The following RALYL variants were observed in gnomAD, a reference collection of about 807,000 sequenced individuals.
RALYL encodes RNA-binding Raly-like protein.
RALYL carries 29 observed loss-of-function variants against 35.1 expected under a neutral mutation model. That is an observed-to-expected ratio of 0.83 (90% CI 0.61 to 1.13). RALYL has a LOEUF of 1.13. Among genes scored for constraint, RALYL ranks in the 50% most tolerant of loss-of-function variants. The pLI, the probability that RALYL is intolerant of heterozygous loss-of-function variation, is 0.00. For synonymous variants in RALYL, 120 were observed against 127.6 expected (o/e 0.94, Z 0.40); for missense variants, 359 against 360.4 (o/e 1.00, Z 0.03).
intron 2 of RALYL, among the ~76,000 whole-genome samples, chr8:84,537,577 C>A (rs1016016682): frequency 4.6e-5 from 7 of 151,476 alleles, no homozygotes; most frequent in Non-Finnish European, 8.8e-5. Context: ...GTATTCAGTA[C>A]AAATCACTTT....
rs907145987 is a variant in RALYL at position 84,730,911 on chromosome 8, T to C, written c.257-43668T>C. On this transcript the variant is annotated intron_variant, in intron 2 of 8. Coordinates refer to ENST00000521268, the MANE Select transcript of RALYL (RefSeq NM_173848.7). Reference sequence around the variant, plus strand: ...AAATAAAAGAGATAATGAAAAAATATGCTGTGATGGAATTTAGGTTAGTGA... The same window carrying C: ...AAATAAAAGAGATAATGAAAAAATACGCTGTGATGGAATTTAGGTTAGTGA... 2.6e-5 allele frequency among the ~76,000 whole-genome samples: 4 copies of C among 151,766 alleles called. No homozygotes were observed. The South Asian group carries it at 8.3e-4, about 32-fold the overall frequency.
chr8:84,532,907 G>A (rs971730670), intron 2 of RALYL, among the ~76,000 whole-genome samples: 8 of 151,814 alleles, frequency 5.3e-5, no homozygotes, highest in African/African-American at 9.7e-5. Flanking sequence ...CACGTCTTTC[G>A]CACCATGATA....
intron 2 of RALYL, among the ~76,000 whole-genome samples, chr8:84,737,416 C>T (rs1847514896): frequency 6.6e-6 from 1 of 151,798 alleles, no homozygotes; most frequent in African/African-American, 2.4e-5. Flanking sequence ...TTTAGATTAC[C>T]TCTTTTCTTT....
chr8:84,674,308 T>C (rs1833797136), intron 2 of RALYL, among the ~76,000 whole-genome samples: 1 of 152,226 alleles, frequency 6.6e-6, no homozygotes, highest in Admixed American at 6.5e-5. Flanking sequence ...TATAGGACCA[T>C]GTCTTCTGCA....
chr8:84,742,383 G>A (rs1283866007), intron 2 of RALYL, among the ~76,000 whole-genome samples: 2 of 151,872 alleles, frequency 1.3e-5, no homozygotes, highest in Admixed American at 1.3e-4. Context: ...AATTGCAAGT[G>A]TTACAAATAA....
Position 84,479,874 on chromosome 8 carries a change from T to A in RALYL, c.-23-49425T>A, listed in dbSNP as rs1328332737. ...TACAGAATTTAGAAACATTAATGAC[T>A]TCAGATCACCAGGGTATCATGTAAT... On this transcript the variant is annotated intron_variant, in intron 1 of 8. Transcript: ENST00000521268. Among the ~76,000 whole-genome samples, 3 of 152,298 alleles carry A rather than the reference T, an allele frequency of 2.0e-5. 1 individual carries two copies. The highest frequency in any genetic ancestry group is 2.4e-5 in the African/African-American group (1 of 41,578).
At chr8:84,890,712 A>G (rs1455374883) in intron 8 of RALYL, among the ~76,000 whole-genome samples, 1 of 152,166 alleles carries the variant, frequency 6.6e-6, no homozygotes, top group Non-Finnish European at 1.5e-5. Flanking sequence ...CACGTTATCA[A>G]TCTGCCTTTT....
chr8:84,335,414 A>T (rs1847588700), intron 1 of RALYL, among the ~76,000 whole-genome samples: 1 of 152,140 alleles, frequency 6.6e-6, no homozygotes. Context: ...TTGAAAGCAC[A>T]GTTGCCTTCT....
intron 1 of RALYL, among the ~76,000 whole-genome samples, chr8:84,397,443 A>G (rs936277679): frequency 6.6e-6 from 1 of 152,178 alleles, no homozygotes; most frequent in African/African-American, 2.4e-5. Flanking sequence ...TTTTTTCCCC[A>G]GAAAAATCCC....
Position 84,624,701 on chromosome 8 carries a change from C to T in RALYL, c.256+95124C>T, listed in dbSNP as rs369126749. The stretch of plus-strand genomic sequence containing the variant: ...CAGTCTACAAGGATTAGGACATGGA[C>T]GTCTTTGGGGAACATTAGTCTGCCT... On this transcript the variant is annotated intron_variant, in intron 2 of 8. Coordinates refer to ENST00000521268, the MANE Select transcript of RALYL (RefSeq NM_173848.7). Among the ~76,000 whole-genome samples the T allele has an allele frequency of 3.3e-5, 5 of 152,232 alleles. No homozygotes were observed. The East Asian group carries it at 7.8e-4, about 24-fold the overall frequency.
chr8:84,185,410 T>C (rs1812276768), intron 1 of RALYL, among the ~76,000 whole-genome samples: 1 of 152,220 alleles, frequency 6.6e-6, no homozygotes, highest in South Asian at 2.1e-4. Context: ...GTATTCAATG[T>C]TGAATGTATT....
At chr8:84,350,171 A>G (rs1850622824) in intron 1 of RALYL, among the ~76,000 whole-genome samples, 1 of 150,468 alleles carries the variant, frequency 6.6e-6, no homozygotes. Context: ...GACACTGGGC[A>G]GCCCCATGTA....
chr8:84,565,144 T>C (rs981695306), intron 2 of RALYL, among the ~76,000 whole-genome samples: 1 of 151,602 alleles, frequency 6.6e-6, no homozygotes, highest in Non-Finnish European at 1.5e-5. Context: ...TTAAATTATA[T>C]CCCAAAGAAT....
rs529372818 is a variant in RALYL at position 84,863,013 on chromosome 8, T to A, written c.571+560T>A. 1.3e-4 allele frequency among the ~76,000 whole-genome samples: 20 copies of A among 152,344 alleles called. No individual in the cohort carries two copies. The East Asian group carries it at 3.7e-3, about 28-fold the overall frequency. ...CACATTAATTAGTAAAAAGCAGCGATACAAACTTTCCAACTAAACACATTG... is the reference window on the plus strand; with the variant it reads ...CACATTAATTAGTAAAAAGCAGCGAAACAAACTTTCCAACTAAACACATTG... On this transcript the variant is annotated intron_variant, in intron 6 of 8. Coordinates refer to ENST00000521268, the MANE Select transcript of RALYL (RefSeq NM_173848.7).
At chr8:84,549,252 C>T (rs1044357198) in intron 2 of RALYL, among the ~76,000 whole-genome samples, 1 of 152,054 alleles carries the variant, frequency 6.6e-6, no homozygotes, top group South Asian at 2.1e-4. Flanking sequence ...AACAACAAGC[C>T]GAAATGAAGA....
chr8:84,452,714 A>G (rs1161429248), intron 1 of RALYL, among the ~76,000 whole-genome samples: 1 of 152,096 alleles, frequency 6.6e-6, no homozygotes. Flanking sequence ...TTCAGTGAAC[A>G]TTGTTGTATT....
intron 1 of RALYL, among the ~76,000 whole-genome samples, chr8:84,504,454 A>G (rs7821355): frequency 0.36 from 54,798 of 152,050 alleles, 10,078 homozygotes; most frequent in South Asian, 0.51. Flanking sequence ...ATATAACTTT[A>G]CCCTATAATT....
intron 2 of RALYL, among the ~76,000 whole-genome samples, chr8:84,767,027 G>A (rs1814260426): frequency 1.3e-5 from 2 of 152,128 alleles, no homozygotes; most frequent in South Asian, 2.1e-4. Flanking sequence ...CGAGGTGGGA[G>A]AGTCACATCT....
intron 4 of RALYL, among the ~76,000 whole-genome samples, chr8:84,846,538 G>C (rs1380412874): frequency 1.3e-5 from 2 of 152,164 alleles, no homozygotes; most frequent in Admixed American, 1.3e-4. Flanking sequence ...GAGTGAGTTA[G>C]AGAGAAGTCT....
Sources: gnomAD v4.1 joint callset for allele counts (sites outside exome capture counted in the v4.1 genomes callset) on GRCh38, gnomAD v4.1.1 for gene constraint, MANE v1.5 for transcripts, NCBI Gene and HGNC (gene_info 2026-07-23, HGNC 2026-07-21) for gene names.